Variants in THSD4 observed in about 807,000 individuals in gnomAD.
THSD4 encodes the protein thrombospondin type-1 domain-containing protein 4.
A neutral mutation model predicts 119.0 loss-of-function variants in THSD4; 69 were observed. The observed-to-expected ratio is 0.58, with a 90% CI of 0.48 to 0.71. The LOEUF is 0.71. Among genes scored for constraint, THSD4 ranks in the 30% least tolerant of loss-of-function variants. The probability of loss-of-function intolerance (pLI) is 0.00; values close to 1 mark genes in which losing one functional copy is unlikely to be tolerated. For missense variants in THSD4, 1,393 were observed against 1,391.1 expected (o/e 1.00, Z -0.02); for synonymous variants, 524 against 540.4 (o/e 0.97, Z 0.42).
intron 6 of THSD4, among the ~76,000 whole-genome samples, chr15:71,316,898 C>T (rs1203510319): frequency 6.6e-6 from 1 of 152,154 alleles, no homozygotes; most frequent in Non-Finnish European, 1.5e-5. Context: ...CCTAATAAAC[C>T]ATTGTCAATG....
chr15:71,140,104 C>T (rs886989874), intron 1 of THSD4, among the ~76,000 whole-genome samples: 52 of 152,230 alleles, frequency 3.4e-4, no homozygotes, highest in African/African-American at 1.2e-3. Flanking sequence ...TTCACTGTGA[C>T]AACGTATTTT....
At chr15:71,102,741 T>C (rs760172057) in intron 1 of THSD4, among the ~76,000 whole-genome samples, 1 of 152,124 alleles carries the variant, frequency 6.6e-6, no homozygotes. Flanking sequence ...ATTTTTTGTA[T>C]TTTTAGTGGA....
chr15:71,447,208 C>T (rs1381850229), intron 7 of THSD4, among the ~76,000 whole-genome samples: 1 of 149,960 alleles, frequency 6.7e-6, no homozygotes, highest in East Asian at 2.0e-4. Context: ...GCAATCTCCA[C>T]CTCTTGGGTT....
chr15:71,642,257 C>T (rs2050872734), intron 7 of THSD4, among the ~76,000 whole-genome samples: 1 of 152,160 alleles, frequency 6.6e-6, no homozygotes, highest in Admixed American at 6.5e-5. Flanking sequence ...CATTAAGAGT[C>T]TAGGTTCTTT....
intron 3 of THSD4, among the ~76,000 whole-genome samples, chr15:71,201,390 T>C (rs1415690402): frequency 6.6e-6 from 1 of 152,242 alleles, no homozygotes; most frequent in East Asian, 1.9e-4. Flanking sequence ...TGTACTCATG[T>C]AGTATTTTTA....
intron 6 of THSD4, among the ~76,000 whole-genome samples, chr15:71,379,357 G>A (rs1250968313): frequency 1.3e-5 from 2 of 150,648 alleles, no homozygotes; most frequent in African/African-American, 2.4e-5. Context: ...CTTGTCCTTC[G>A]CCAGCCCTCC....
At chr15:71,139,480 A>T (rs2040581327) in intron 1 of THSD4, among the ~76,000 whole-genome samples, 1 of 152,194 alleles carries the variant, frequency 6.6e-6, no homozygotes, top group Non-Finnish European at 1.5e-5. Context: ...TAACTGTTCC[A>T]ATTTGCACTT....
Position 71,669,080 on chromosome 15 carries a change from C to T in THSD4, c.1357+8346C>T, listed in dbSNP as rs150517517. On this transcript the variant is annotated intron_variant, in intron 8 of 17. Transcript: ENST00000261862. The stretch of plus-strand genomic sequence containing the variant: ...ACACTTAAAATTCTGGAAAATAAAG[C>T]AAAATTTCTCTCCAAAGTCGTGCCA... 3.4e-4 allele frequency among the ~76,000 whole-genome samples: 52 copies of T among 152,220 alleles called. No homozygotes were observed. The East Asian group carries it at 9.9e-3, about 29-fold the overall frequency.
intron 7 of THSD4, among the ~76,000 whole-genome samples, chr15:71,606,701 T>C (rs2050117659): frequency 6.6e-6 from 1 of 151,984 alleles, no homozygotes; most frequent in African/African-American, 2.4e-5. Flanking sequence ...CCACCACGCC[T>C]GGCTAATTTT....
intron 1 of THSD4, among the ~76,000 whole-genome samples, chr15:71,102,884 T>C (rs1457674520): frequency 1.3e-5 from 2 of 152,208 alleles, no homozygotes; most frequent in African/African-American, 2.4e-5. Flanking sequence ...TATCTTCTTT[T>C]TTCCCCCCTG....
Position 71,745,713 on chromosome 15 carries a change from A to G in THSD4, c.2036+478A>G, listed in dbSNP as rs73432415. Among the ~76,000 whole-genome samples the G allele has an allele frequency of 6.5e-3, 996 of 152,314 alleles. 21 individuals carry two copies. Among genetic ancestry groups the G allele is most frequent in the African/African-American group, 0.023 (951 of 41,572 alleles). On this transcript the variant is annotated intron_variant, in intron 12 of 17. Coordinates refer to ENST00000261862, the MANE Select transcript of THSD4 (RefSeq NM_024817.3). Reference sequence around the variant, plus strand: ...GTTGCCCAGGCCAGATTGCAGTGGCACGATCTCAGCAAACTCCGCCTCCTG... The same window carrying G: ...GTTGCCCAGGCCAGATTGCAGTGGCGCGATCTCAGCAAACTCCGCCTCCTG...
At chr15:71,244,636 T>C (rs904069001) in intron 5 of THSD4, among the ~76,000 whole-genome samples, 5 of 152,098 alleles carry the variant, frequency 3.3e-5, no homozygotes, top group Non-Finnish European at 1.5e-5. Flanking sequence ...TGTAACAGAG[T>C]AGGTGTCACG....
chr15:71,625,629 T>C (rs1480446809), intron 7 of THSD4, among the ~76,000 whole-genome samples: 2 of 152,240 alleles, frequency 1.3e-5, no homozygotes, highest in African/African-American at 2.4e-5. Flanking sequence ...GGTCCTTGTG[T>C]TTATCTTGAC....
Position 71,502,310 on chromosome 15 carries a change from A to G in THSD4, c.1152+90487A>G, listed in dbSNP as rs552905314. On this transcript the variant is annotated intron_variant, in intron 7 of 17. Transcript: ENST00000261862. ...TTAAAAATGCCTCTCAACACTTATC[A>G]TGTGCTATGGAAATGAACTAGGAGT... Among the ~76,000 whole-genome samples, 4 of 152,334 alleles carry G rather than the reference A, an allele frequency of 2.6e-5. No individual in the cohort carries two copies. The East Asian group carries it at 5.8e-4, about 22-fold the overall frequency.
intron 7 of THSD4, among the ~76,000 whole-genome samples, chr15:71,564,867 T>C (rs1460851905): frequency 6.7e-6 from 1 of 148,970 alleles, no homozygotes; most frequent in African/African-American, 2.5e-5. Context: ...ATATATTGTA[T>C]ATTATATAAC....
At position 71,755,185 on chromosome 15, in the gene THSD4, G is replaced by A. The variant is rs550220518; in HGVS notation, c.2416-2717G>A. Among the ~76,000 whole-genome samples the A allele has an allele frequency of 5.3e-5, 8 of 152,284 alleles. No individual in the cohort carries two copies. In the South Asian group the frequency reaches 8.3e-4, roughly 16 times the overall value. On this transcript the variant is annotated intron_variant, in intron 14 of 17. Transcript: ENST00000261862. Reference sequence around the variant, plus strand: ...GCCTTCAGCTCAAAATAATCAACATGCCAAAGCAACATATTTTGGGGTGGC... The same window carrying A: ...GCCTTCAGCTCAAAATAATCAACATACCAAAGCAACATATTTTGGGGTGGC...
intron 6 of THSD4, among the ~76,000 whole-genome samples, chr15:71,326,700 AATATATATATATAT>A (rs71154759): frequency 1.5e-3 from 10 of 6,452 alleles, no homozygotes; most frequent in Non-Finnish European, 2.2e-3. Flanking sequence ...AAAAAAAAAA[AATATATATATATAT>A]ATATATATAT....
At chr15:71,672,469 A>G (rs1414182457) in intron 8 of THSD4, among the ~76,000 whole-genome samples, 2 of 152,172 alleles carry the variant, frequency 1.3e-5, no homozygotes, top group African/African-American at 4.8e-5. Flanking sequence ...CTAATTGAAT[A>G]CCCTTTTATT....
At chr15:71,100,054 T>C (rs770262571) in intron 1 of THSD4, among the ~76,000 whole-genome samples, 14 of 152,208 alleles carry the variant, frequency 9.2e-5, no homozygotes, top group Non-Finnish European at 1.8e-4. Context: ...GTTTTCTTTG[T>C]TTGTTTGCTT....
Sources: gnomAD v4.1 joint callset for allele counts (sites outside exome capture counted in the v4.1 genomes callset) on GRCh38, gnomAD v4.1.1 for gene constraint, MANE v1.5 for transcripts, NCBI Gene and HGNC (gene_info 2026-07-23, HGNC 2026-07-21) for gene names.